The following CCBE1 variants were observed in gnomAD, a reference collection of about 807,000 sequenced individuals.
CCBE1 encodes collagen and calcium-binding EGF domain-containing protein 1.
Under a neutral mutation model 50.0 loss-of-function variants are expected in CCBE1, and 37 were observed. The ratio of observed to expected loss-of-function variants is 0.74; its 90% CI spans 0.57 to 0.97. The LOEUF (loss-of-function observed/expected upper bound fraction) is 0.97. CCBE1 is among the 50% of genes least tolerant of loss of function. CCBE1 has a pLI of 0.00. For missense variants in CCBE1, 538 were observed against 523.8 expected (o/e 1.03, Z -0.26); for synonymous variants, 234 against 203.7 (o/e 1.15, Z -1.27).
intron 2 of CCBE1, among the ~76,000 whole-genome samples, chr18:59,485,323 G>A (rs999307810): frequency 1.3e-5 from 2 of 152,106 alleles, no homozygotes; most frequent in Admixed American, 6.6e-5. Flanking sequence ...GTGTGTGTGA[G>A]CTTTTGGAAG....
intron 2 of CCBE1, among the ~76,000 whole-genome samples, chr18:59,672,917 G>C (rs758355193): frequency 6.6e-6 from 1 of 152,098 alleles, no homozygotes; most frequent in African/African-American, 2.4e-5. Flanking sequence ...TATTGCTCGG[G>C]TGATAGGTAC....
chr18:59,657,460 G>A (rs944124302), intron 2 of CCBE1, among the ~76,000 whole-genome samples: 2 of 152,224 alleles, frequency 1.3e-5, no homozygotes, highest in African/African-American at 4.8e-5. Flanking sequence ...AGTTTTCTTT[G>A]CACACAGTGC....
intron 2 of CCBE1, among the ~76,000 whole-genome samples, chr18:59,570,168 C>T (rs777408047): frequency 2.6e-5 from 4 of 152,088 alleles, no homozygotes; most frequent in African/African-American, 4.8e-5. Flanking sequence ...TAGGATCTAG[C>T]CTGGGAGAGG....
chr18:59,685,459 C>A (rs982985500), intron 2 of CCBE1, among the ~76,000 whole-genome samples: 1 of 152,208 alleles, frequency 6.6e-6, no homozygotes, highest in African/African-American at 2.4e-5. Context: ...ACACAAGAGA[C>A]CCTGGCTTAG....
intron 2 of CCBE1, among the ~76,000 whole-genome samples, chr18:59,617,215 T>C (rs1568236359): frequency 6.6e-6 from 1 of 152,238 alleles, no homozygotes; most frequent in Admixed American, 6.5e-5. Context: ...GAAAAAGTTA[T>C]GCTGAAATCT....
chr18:59,578,977 G>GA (rs1010444568), intron 2 of CCBE1, among the ~76,000 whole-genome samples: 1 of 151,756 alleles, frequency 6.6e-6, no homozygotes, highest in African/African-American at 2.4e-5. Flanking sequence ...CTTTTTATCA[G>GA]AAAAAAAATG....
At chr18:59,542,173 C>CAAAAAAA (rs55950963) in intron 2 of CCBE1, among the ~76,000 whole-genome samples, 41 of 134,934 alleles carry the variant, frequency 3.0e-4, no homozygotes, top group Non-Finnish European at 3.8e-4. Flanking sequence ...GATCCTGTCT[C>CAAAAAAA]AAAAAAAAAA....
chr18:59,475,923 T>G (rs1912284710), intron 3 of CCBE1, among the ~76,000 whole-genome samples: 1 of 152,206 alleles, frequency 6.6e-6, no homozygotes, highest in South Asian at 2.1e-4. Context: ...TTCACTATTT[T>G]GGCCAGACTG....
At position 59,653,287 on chromosome 18, in the gene CCBE1, T is replaced by C. The variant is rs556979554; in HGVS notation, c.212+43342A>G. 3.8e-4 allele frequency among the ~76,000 whole-genome samples: 58 copies of C among 152,208 alleles called. 1 individual carries two copies. The highest frequency in any genetic ancestry group is 7.6e-4 in the Non-Finnish European group (52 of 68,044). ...ACCAAACCAGGCTTCTCAATGACTCTTGAACATGGCTGAAGGTCCTTCCTT... is the reference window on the plus strand; with the variant it reads ...ACCAAACCAGGCTTCTCAATGACTCCTGAACATGGCTGAAGGTCCTTCCTT... On this transcript the variant is annotated intron_variant, in intron 2 of 10. Coordinates refer to ENST00000439986, the MANE Select transcript of CCBE1 (RefSeq NM_133459.4).
chr18:59,568,814 C>G (rs898043503), intron 2 of CCBE1, among the ~76,000 whole-genome samples: 4 of 152,210 alleles, frequency 2.6e-5, no homozygotes, highest in Non-Finnish European at 5.9e-5. Context: ...TGAGAGTGAA[C>G]AGCATGCTTA....
intron 2 of CCBE1, among the ~76,000 whole-genome samples, chr18:59,677,855 G>A (rs1383213419): frequency 6.6e-6 from 1 of 152,100 alleles, no homozygotes; most frequent in Admixed American, 6.5e-5. Context: ...GGGAGTGAGT[G>A]GGGATGGCTT....
intron 2 of CCBE1, among the ~76,000 whole-genome samples, chr18:59,561,543 A>G (rs566595793): frequency 2.6e-5 from 4 of 152,350 alleles, no homozygotes; most frequent in African/African-American, 9.6e-5. Context: ...TGGGAAGGCC[A>G]TCCCTTAGCC....
intron 2 of CCBE1, among the ~76,000 whole-genome samples, chr18:59,517,040 A>T (rs1914404617): frequency 1.3e-5 from 2 of 152,192 alleles, no homozygotes; most frequent in Non-Finnish European, 2.9e-5. Context: ...GTTTCCCTTA[A>T]ACCACACAAT....
intron 2 of CCBE1, among the ~76,000 whole-genome samples, chr18:59,626,143 G>A (rs574163362): frequency 6.6e-6 from 1 of 152,242 alleles, no homozygotes; most frequent in African/African-American, 2.4e-5. Flanking sequence ...AATAAACAGA[G>A]GGCACTCAAT....
intron 2 of CCBE1, among the ~76,000 whole-genome samples, chr18:59,546,074 C>A (rs937587085): frequency 1.3e-5 from 2 of 152,176 alleles, no homozygotes; most frequent in African/African-American, 4.8e-5. Context: ...AATGCATTGA[C>A]AACCCTTTAA....
At chr18:59,658,055 G>A (rs2054215091) in intron 2 of CCBE1, among the ~76,000 whole-genome samples, 1 of 151,882 alleles carries the variant, frequency 6.6e-6, no homozygotes, top group Non-Finnish European at 1.5e-5. Flanking sequence ...ACACTTATAA[G>A]CTGTGTGACC....
At chr18:59,649,136 C>G (rs2054094675) in intron 2 of CCBE1, among the ~76,000 whole-genome samples, 1 of 152,196 alleles carries the variant, frequency 6.6e-6, no homozygotes, top group Non-Finnish European at 1.5e-5. Flanking sequence ...CCCATGAAAC[C>G]TAGCACAGGA....
At chr18:59,517,697 C>A (rs1914431596) in intron 2 of CCBE1, among the ~76,000 whole-genome samples, 1 of 152,186 alleles carries the variant, frequency 6.6e-6, no homozygotes, top group East Asian at 1.9e-4. Flanking sequence ...CCACTTAAAA[C>A]CAGATGCCAC....
At chr18:59,463,857 A>G (rs901087023) in intron 5 of CCBE1, among the ~76,000 whole-genome samples, 1 of 152,222 alleles carries the variant, frequency 6.6e-6, no homozygotes, top group African/African-American at 2.4e-5. Flanking sequence ...CAAAGAGACA[A>G]TGGACTTGCC....
Sources: allele counts gnomAD v4.1 joint callset (sites outside exome capture counted in the v4.1 genomes callset), GRCh38; gene constraint gnomAD v4.1.1; transcripts MANE v1.5; gene names NCBI Gene and HGNC (gene_info 2026-07-23, HGNC 2026-07-21).